Variants in NLGN1 observed in about 807,000 individuals in gnomAD.
NLGN1 encodes the protein neuroligin 1, also known as neuroligin-1.
In NLGN1, 12 loss-of-function variants were observed where a neutral mutation model predicts 65.5. The ratio of observed to expected loss-of-function variants is 0.18; its 90% CI spans 0.12 to 0.30. The LOEUF is 0.30. NLGN1 is among the 10% of genes least tolerant of loss of function. NLGN1 has a pLI of 1.00. For synonymous variants in NLGN1, 350 were observed against 359.5 expected, an observed-to-expected ratio of 0.97 and a Z score of 0.30; for missense variants, 750 against 1,007.1, an observed-to-expected ratio of 0.74 and a Z score of 3.46.
chr3:174,274,025 GTTA>G (rs1750019328), intron 4 of NLGN1, among the ~76,000 whole-genome samples: 1 of 151,498 alleles, frequency 6.6e-6, no homozygotes, highest in Non-Finnish European at 1.5e-5. Flanking sequence ...TAAAATAGTT[GTTA>G]TCACAATCAT....
intron 4 of NLGN1, among the ~76,000 whole-genome samples, chr3:174,172,544 A>G (rs947091737): frequency 3.9e-5 from 6 of 151,978 alleles, no homozygotes; most frequent in Non-Finnish European, 8.8e-5. Context: ...TAGGTGTCCA[A>G]TTTTCCCAGC....
At chr3:173,920,126 A>G (rs1741682885) in intron 4 of NLGN1, among the ~76,000 whole-genome samples, 1 of 151,960 alleles carries the variant, frequency 6.6e-6, no homozygotes, top group South Asian at 2.1e-4. Flanking sequence ...CTGAAAGGGC[A>G]GACTAGATAC....
chr3:173,981,326 A>G (rs141230092), intron 4 of NLGN1, among the ~76,000 whole-genome samples: 31 of 152,280 alleles, frequency 2.0e-4, no homozygotes, highest in Non-Finnish European at 3.8e-4. Context: ...AGATTCACCA[A>G]ATTTTCAAAT....
intron 4 of NLGN1, among the ~76,000 whole-genome samples, chr3:173,892,437 A>C (rs1436792064): frequency 6.6e-6 from 1 of 151,822 alleles, no homozygotes; most frequent in African/African-American, 2.4e-5. Flanking sequence ...TTTCCTTTTA[A>C]CTTTCACAAT....
chr3:174,281,488 CAA>C, exon 7 of NLGN1: 1 of 497,910 alleles, frequency 2.0e-6, no homozygotes, highest in Non-Finnish European at 3.6e-6. Flanking sequence ...ACTTTAAAAA[CAA>C]ATTTCAATTG....
intron 4 of NLGN1, among the ~76,000 whole-genome samples, chr3:174,083,861 G>A (rs1742748713): frequency 6.6e-6 from 1 of 152,014 alleles, no homozygotes; most frequent in Admixed American, 6.6e-5. Context: ...AAAAAGAGCT[G>A]ATAGCCACAT....
chr3:174,228,866 T>G (rs1740191425), intron 4 of NLGN1, among the ~76,000 whole-genome samples: 2 of 152,074 alleles, frequency 1.3e-5, no homozygotes, highest in Admixed American at 1.3e-4. Flanking sequence ...ACTATTATAT[T>G]TATTATAATA....
intron 2 of NLGN1, among the ~76,000 whole-genome samples, chr3:173,488,683 T>C (rs1728568215): frequency 6.6e-6 from 1 of 152,110 alleles, no homozygotes; most frequent in Non-Finnish European, 1.5e-5. Flanking sequence ...TTTTTATCCC[T>C]GGTGTCTTTT....
At chr3:173,425,604 C>G (rs138377751) in intron 1 of NLGN1, among the ~76,000 whole-genome samples, 13 of 151,768 alleles carry the variant, frequency 8.6e-5, no homozygotes, top group Non-Finnish European at 2.9e-5. Flanking sequence ...AGAGACTGTC[C>G]GTTTATGTTC....
intron 4 of NLGN1, among the ~76,000 whole-genome samples, chr3:174,051,796 C>T (rs369734470): frequency 3.3e-5 from 5 of 152,126 alleles, no homozygotes; most frequent in African/African-American, 1.2e-4. Context: ...ATCCTTACCC[C>T]ATCCACCCAG....
chr3:173,754,336 C>T (rs896704436), intron 3 of NLGN1, among the ~76,000 whole-genome samples: 1 of 152,100 alleles, frequency 6.6e-6, no homozygotes, highest in Admixed American at 6.6e-5. Context: ...GCCACTGTGC[C>T]TGGACTTCAA....
intron 3 of NLGN1, among the ~76,000 whole-genome samples, chr3:173,683,043 G>A (rs1167746681): frequency 6.6e-6 from 1 of 152,076 alleles, no homozygotes; most frequent in African/African-American, 2.4e-5. Context: ...TTTCATCATA[G>A]GACATTCTGT....
chr3:174,268,766 C>T (rs1350232825), intron 4 of NLGN1, among the ~76,000 whole-genome samples: 1 of 151,986 alleles, frequency 6.6e-6, no homozygotes, highest in Non-Finnish European at 1.5e-5. Flanking sequence ...TTCTTCTTTC[C>T]CACTGTACTC....
At chr3:173,563,474 G>C (rs1346904431) in intron 2 of NLGN1, among the ~76,000 whole-genome samples, 2 of 152,164 alleles carry the variant, frequency 1.3e-5, no homozygotes, top group African/African-American at 4.8e-5. Context: ...ATAAAGAGAA[G>C]TAGTAAAGTT....
chr3:174,122,661 C>T (rs949773948), intron 4 of NLGN1, among the ~76,000 whole-genome samples: 1 of 152,072 alleles, frequency 6.6e-6, no homozygotes, highest in African/African-American at 2.4e-5. Context: ...TTAACAATGA[C>T]GTTGTTTTTA....
At chr3:173,528,322 A>G (rs1018154182) in intron 2 of NLGN1, among the ~76,000 whole-genome samples, 3 of 152,134 alleles carry the variant, frequency 2.0e-5, no homozygotes, top group Admixed American at 2.0e-4. Flanking sequence ...GTCTGATGAG[A>G]TTCCTTTTAT....
At chr3:174,058,320 T>C (rs556108247) in intron 4 of NLGN1, among the ~76,000 whole-genome samples, 1 of 152,170 alleles carries the variant, frequency 6.6e-6, no homozygotes, top group Non-Finnish European at 1.5e-5. Context: ...TGAAATTTTA[T>C]GACAAGGTAA....
intron 3 of NLGN1, among the ~76,000 whole-genome samples, chr3:173,805,408 T>C (rs1716427662): frequency 1.3e-5 from 2 of 152,174 alleles, no homozygotes; most frequent in South Asian, 4.1e-4. Context: ...TAACCCAGAC[T>C]ATCAGTAATC....
chr3:174,192,540 A>C (rs889387388), intron 4 of NLGN1, among the ~76,000 whole-genome samples: 2 of 152,180 alleles, frequency 1.3e-5, no homozygotes, highest in Non-Finnish European at 2.9e-5. Context: ...TCATTCAGTA[A>C]GTTTCCACTT....
Sources: gnomAD v4.1 joint callset for allele counts (sites outside exome capture counted in the v4.1 genomes callset) on GRCh38, gnomAD v4.1.1 for gene constraint, MANE v1.5 for transcripts, NCBI Gene and HGNC (gene_info 2026-07-23, HGNC 2026-07-21) for gene names.